The following PTGER3 variants were observed in gnomAD, a reference collection of about 807,000 sequenced individuals.
PTGER3 encodes prostaglandin E2 receptor EP3 subtype.
In PTGER3, 22 loss-of-function variants were observed where a neutral mutation model predicts 34.7. The observed-to-expected ratio is 0.63, with a 90% CI of 0.45 to 0.91. PTGER3 has a LOEUF of 0.91. PTGER3 is among the 40% of genes least tolerant of loss of function. PTGER3 has a pLI of 0.00. For missense variants in PTGER3, 468 were observed against 519.4 expected, an observed-to-expected ratio of 0.90 and a Z score of 0.96; for synonymous variants, 241 against 230.1, an observed-to-expected ratio of 1.05 and a Z score of -0.43.
chr1:70,973,121 CGTGTGTGTGTGTGT>C (rs71898506), intron 3 of PTGER3, among the ~76,000 whole-genome samples: 24 of 143,944 alleles, frequency 1.7e-4, no homozygotes, highest in Non-Finnish European at 3.3e-4. Flanking sequence ...CCAGTGTGCA[CGTGTGTGTGTGTGT>C]GTGTGTGTGT....
At chr1:70,915,846 A>G (rs75128468) in intron 4 of PTGER3, among the ~76,000 whole-genome samples, 21,330 of 151,802 alleles carry the variant, frequency 0.14, 1,928 homozygotes, top group East Asian at 0.44. Flanking sequence ...ATTTTTGGCT[A>G]AATCCCCAGA....
chr1:70,875,381 T>C (rs904157235), intron 4 of PTGER3, among the ~76,000 whole-genome samples: 6 of 152,232 alleles, frequency 3.9e-5, no homozygotes, highest in African/African-American at 1.2e-4. Context: ...ATATGGAGGA[T>C]TGAACTTTTA....
chr1:70,944,719 C>A (rs1420585960), intron 4 of PTGER3, among the ~76,000 whole-genome samples: 1 of 152,064 alleles, frequency 6.6e-6, no homozygotes, highest in Non-Finnish European at 1.5e-5. Context: ...TCTGCTGAGA[C>A]TGAATGAAGA....
chr1:70,877,161 G>T (rs74864957), intron 4 of PTGER3, among the ~76,000 whole-genome samples: 1 of 152,184 alleles, frequency 6.6e-6, no homozygotes, highest in African/African-American at 2.4e-5. Context: ...TCATTATGGA[G>T]ATTTTTCACT....
chr1:71,024,645 C>CA (rs1658723852), intron 1 of PTGER3, among the ~76,000 whole-genome samples: 2 of 117,164 alleles, frequency 1.7e-5, no homozygotes. Context: ...CCTTTTCTTT[C>CA]TTTTTTTTTT....
At chr1:70,914,269 C>T (rs1647125896) in intron 4 of PTGER3, among the ~76,000 whole-genome samples, 1 of 151,650 alleles carries the variant, frequency 6.6e-6, no homozygotes, top group African/African-American at 2.4e-5. Flanking sequence ...GCCATTGTGC[C>T]TCTGTTACCT....
chr1:70,974,494 A>G (rs1653489067), intron 2 of PTGER3, 106 bp from the exon 3 acceptor site: 1 of 651,326 alleles, frequency 1.5e-6, no homozygotes, highest in East Asian at 2.8e-5. Context: ...ATCAATATGG[A>G]TGTTTTAGAT....
At chr1:70,913,303 G>T (rs958626988) in intron 4 of PTGER3, among the ~76,000 whole-genome samples, 5 of 151,756 alleles carry the variant, frequency 3.3e-5, no homozygotes, top group Non-Finnish European at 7.4e-5. Flanking sequence ...GTAGTTCATT[G>T]CTAGTATACA....
At chr1:70,999,888 C>T (rs1457552089) in intron 2 of PTGER3, among the ~76,000 whole-genome samples, 1 of 152,228 alleles carries the variant, frequency 6.6e-6, no homozygotes, top group Non-Finnish European at 1.5e-5. Context: ...CCAATAGTTT[C>T]TCCACTGCAG....
At chr1:70,898,541 C>T (rs1218546126) in intron 4 of PTGER3, among the ~76,000 whole-genome samples, 1 of 152,142 alleles carries the variant, frequency 6.6e-6, no homozygotes, top group South Asian at 2.1e-4. Flanking sequence ...CCCCTCTGCA[C>T]TGTAACTGCA....
chr1:70,953,727 A>T (rs1345769616), intron 3 of PTGER3: 2 of 1,538,114 alleles, frequency 1.3e-6, no homozygotes, highest in Non-Finnish European at 1.8e-6. Flanking sequence ...TTTGGATTCA[A>T]ATGCAACTAG....
chr1:71,017,642 G>A (rs1234673224), intron 1 of PTGER3, among the ~76,000 whole-genome samples: 2 of 152,104 alleles, frequency 1.3e-5, no homozygotes, highest in Admixed American at 1.3e-4. Flanking sequence ...GTTTAAAAGT[G>A]TGTAACACTT....
intron 2 of PTGER3, among the ~76,000 whole-genome samples, chr1:70,989,899 G>T (rs942604803): frequency 6.9e-6 from 1 of 145,052 alleles, no homozygotes; most frequent in African/African-American, 2.5e-5. Context: ...ACACACACAC[G>T]CACACACACA....
chr1:70,896,065 G>C (rs193041084), intron 4 of PTGER3, among the ~76,000 whole-genome samples: 79 of 152,268 alleles, frequency 5.2e-4, no homozygotes, highest in African/African-American at 1.7e-3. Context: ...AAAATTTTAG[G>C]AGTTAAAATC....
At chr1:70,999,007 C>G (rs996443873) in intron 2 of PTGER3, among the ~76,000 whole-genome samples, 1 of 152,072 alleles carries the variant, frequency 6.6e-6, no homozygotes, top group Non-Finnish European at 1.5e-5. Flanking sequence ...CGGTGAAACC[C>G]CTTCTCTACC....
At chr1:70,852,693 G>T (rs1645707401) in exon 5 of PTGER3, 3 of 948,730 alleles carry the variant, frequency 3.2e-6, no homozygotes, top group Non-Finnish European at 5.1e-6. Flanking sequence ...AACAGCTTCT[G>T]GATAACAGTT....
At chr1:71,046,626 G>A in intron 1 of PTGER3, 55 bp downstream of exon 1, 1 of 1,499,680 alleles carries the variant, frequency 6.7e-7, no homozygotes, top group Non-Finnish European at 8.8e-7. Context: ...AAAGTCTTAG[G>A]TTCCCGCTTA....
intron 2 of PTGER3, among the ~76,000 whole-genome samples, chr1:70,988,397 T>G (rs1219070702): frequency 2.6e-5 from 4 of 152,188 alleles, no homozygotes; most frequent in African/African-American, 7.2e-5. Context: ...GGATACCGAC[T>G]AAAACACTGC....
intron 2 of PTGER3, chr1:70,997,069 C>T (rs1287013087): frequency 1.3e-5 from 2 of 152,118 alleles, no homozygotes; most frequent in East Asian, 1.9e-4. Context: ...GTTGGGAGTT[C>T]GAGTCCAGAC....
Sources: gnomAD v4.1 joint callset for allele counts (sites outside exome capture counted in the v4.1 genomes callset) on GRCh38, gnomAD v4.1.1 for gene constraint, MANE v1.5 for transcripts, NCBI Gene and HGNC (gene_info 2026-07-23, HGNC 2026-07-21) for gene names.